Variants in RPH3A observed in about 807,000 individuals in gnomAD.
RPH3A encodes rabphilin-3A.
In RPH3A, 48 loss-of-function variants were observed where a neutral mutation model predicts 102.2. That is an observed-to-expected ratio of 0.47 (90% confidence interval 0.37 to 0.60). The LOEUF (loss-of-function observed/expected upper bound fraction) is 0.60, where lower values mean the gene tolerates loss of function less well. Among genes scored for constraint, RPH3A ranks in the 20% least tolerant of loss-of-function variants. RPH3A has a pLI of 0.00. For synonymous variants in RPH3A, 310 were observed against 324.3 expected (o/e 0.96, Z 0.47); for missense variants, 781 against 910.1 (o/e 0.86, Z 1.83).
At chr12:112,836,724 A>T (rs991563248) in intron 4 of RPH3A, among the ~76,000 whole-genome samples, 1 of 152,110 alleles carries the variant, frequency 6.6e-6, no homozygotes, top group Admixed American at 6.5e-5. Context: ...TGATAAAAGG[A>T]TGGAAGATAT....
intron 1 of RPH3A, among the ~76,000 whole-genome samples, chr12:112,709,549 C>CAAAA (rs369557001): frequency 7.8e-6 from 1 of 128,324 alleles, no homozygotes; most frequent in African/African-American, 2.9e-5. Flanking sequence ...AACCCTGTCT[C>CAAAA]AAAAAAAAAA....
rs756513147 is a variant in RPH3A, at chr12:112,875,724, T to G, written c.929T>G (p.Phe310Cys). The G allele has an allele frequency of 6.2e-7, 1 of 1,613,904 alleles. No homozygotes were observed. The highest frequency in any genetic ancestry group is 8.5e-7 in the Non-Finnish European group (1 of 1,179,946). Residue 310 changes from phenylalanine (F) to cysteine (C), a missense_variant, in exon 12 of 22, where the codon TTT (phenylalanine) becomes TGT (cysteine). Physicochemically the swap from Phe to Cys is radical, Grantham distance 205. Coordinates refer to ENST00000389385, the MANE Select transcript of RPH3A (RefSeq NM_001143854.2). ...CCGGGTCCTGGGCCAGCAGGACGCT[T>G]TCCAGATCAGAAGCCAGGCAAGTAT... Reference protein sequence around the residue: ...SRPGPGPAGRFPDQKPEVAPS... With the variant: ...SRPGPGPAGRCPDQKPEVAPS...
chr12:112,868,264 C>A, intron 7 of RPH3A, 166 bp from the exon 8 acceptor site: 2 of 643,148 alleles, frequency 3.1e-6, no homozygotes, highest in Non-Finnish European at 5.0e-6. Context: ...GGTGGATGGG[C>A]TGAATAAATA....
intron 1 of RPH3A, among the ~76,000 whole-genome samples, chr12:112,616,240 G>A (rs1367753954): frequency 1.3e-5 from 2 of 152,120 alleles, no homozygotes; most frequent in Non-Finnish European, 2.9e-5. Context: ...TCCGCCTCCC[G>A]GGTTCAAGCG....
chr12:112,641,936 A>G (rs1027089542), intron 1 of RPH3A, among the ~76,000 whole-genome samples: 1 of 152,124 alleles, frequency 6.6e-6, no homozygotes, highest in African/African-American at 2.4e-5. Context: ...TGTGGGTTAT[A>G]TTATTTCTAT....
chr12:112,852,582 C>T (rs1010730241), intron 5 of RPH3A, among the ~76,000 whole-genome samples: 2 of 152,106 alleles, frequency 1.3e-5, no homozygotes, highest in African/African-American at 4.8e-5. Flanking sequence ...GTCTAAATTC[C>T]AAATTCCTAC....
chr12:112,752,330 T>C (rs1185097821), intron 1 of RPH3A, among the ~76,000 whole-genome samples: 1 of 152,190 alleles, frequency 6.6e-6, no homozygotes. Context: ...GTAATATGTG[T>C]CTGTAACAAA....
At chr12:112,600,982 G>C (rs1444523489) in intron 1 of RPH3A, among the ~76,000 whole-genome samples, 2 of 152,198 alleles carry the variant, frequency 1.3e-5, no homozygotes, top group Non-Finnish European at 2.9e-5. Context: ...GGAAATGCCA[G>C]ATGCTTATAA....
chr12:112,716,078 T>TA (rs1394244485), intron 1 of RPH3A, among the ~76,000 whole-genome samples: 2 of 152,186 alleles, frequency 1.3e-5, no homozygotes, highest in Non-Finnish European at 2.9e-5. Flanking sequence ...AATTAGTGTA[T>TA]AATGAGCAGT....
chr12:112,800,885 G>A (rs543288962), intron 2 of RPH3A, among the ~76,000 whole-genome samples: 2 of 152,172 alleles, frequency 1.3e-5, no homozygotes, highest in Non-Finnish European at 2.9e-5. Flanking sequence ...GCAGAGTCAA[G>A]GCCGTTCAGG....
chr12:112,612,331 A>G (rs2039645222), intron 1 of RPH3A, among the ~76,000 whole-genome samples: 1 of 152,132 alleles, frequency 6.6e-6, no homozygotes, highest in Non-Finnish European at 1.5e-5. Flanking sequence ...GGTTAAGTGT[A>G]GTTACTCTGC....
chr12:112,716,402 A>G (rs1196504415), intron 1 of RPH3A, among the ~76,000 whole-genome samples: 2 of 152,242 alleles, frequency 1.3e-5, no homozygotes, highest in African/African-American at 2.4e-5. Flanking sequence ...ATCCATTTGT[A>G]TGAGTTAGAG....
chr12:112,846,971 C>T (rs1235491956), intron 4 of RPH3A, among the ~76,000 whole-genome samples: 2 of 152,164 alleles, frequency 1.3e-5, no homozygotes, highest in South Asian at 2.1e-4. Flanking sequence ...TTCTCCATGC[C>T]TCAGCCTCCT....
At chr12:112,803,716 G>A (rs1480062352) in intron 2 of RPH3A, among the ~76,000 whole-genome samples, 1 of 152,136 alleles carries the variant, frequency 6.6e-6, no homozygotes, top group Non-Finnish European at 1.5e-5. Context: ...GCTCCTTCCA[G>A]CTTGGATGCA....
At position 112,584,609 on chromosome 12, in the gene RPH3A, G is replaced by A. The variant is rs188639629; in HGVS notation, c.-140+9290G>A. 2.6e-5 allele frequency among the ~76,000 whole-genome samples: 4 copies of A among 152,310 alleles called. No homozygotes were observed. The East Asian group carries it at 7.7e-4, about 29-fold the overall frequency. On this transcript the variant is annotated intron_variant, in intron 1 of 21. Transcript: ENST00000543106. ...GGGCGTGATGGCTCAGAAGTCCAGG[G>A]ACAGAATTGCTCCATGGGGCACACC...
At chr12:112,896,312 G>A (rs1028634174) in intron 21 of RPH3A, among the ~76,000 whole-genome samples, 1 of 152,176 alleles carries the variant, frequency 6.6e-6, no homozygotes, top group Admixed American at 6.5e-5. Flanking sequence ...GGATTGAGCA[G>A]GATGATGAAC....
At chr12:112,815,834 C>T (rs762584134) in intron 2 of RPH3A, among the ~76,000 whole-genome samples, 17 of 152,172 alleles carry the variant, frequency 1.1e-4, no homozygotes, top group Non-Finnish European at 2.5e-4. Context: ...TGAGCCTTTG[C>T]CTTTTCCCTG....
intron 2 of RPH3A, among the ~76,000 whole-genome samples, chr12:112,812,193 C>G (rs2041589927): frequency 6.6e-6 from 1 of 152,110 alleles, no homozygotes; most frequent in Admixed American, 6.5e-5. Context: ...CTGGTGAGGC[C>G]AGAGTCATGT....
chr12:112,629,833 C>G (rs1426396796), intron 1 of RPH3A, among the ~76,000 whole-genome samples: 2 of 152,060 alleles, frequency 1.3e-5, no homozygotes, highest in African/African-American at 4.8e-5. Flanking sequence ...ATGCACTAGG[C>G]ACAGTGCTAA....
Sources: allele counts gnomAD v4.1 joint callset (sites outside exome capture counted in the v4.1 genomes callset), GRCh38; gene constraint gnomAD v4.1.1; transcripts MANE v1.5; gene names NCBI Gene and HGNC (gene_info 2026-07-23, HGNC 2026-07-21).